NSG2: variants seen among roughly 807,000 people sequenced by gnomAD.
NSG2 encodes the protein neuronal vesicle trafficking associated 2.
In NSG2, 4 loss-of-function variants were observed where a neutral mutation model predicts 16.9. The ratio of observed to expected loss-of-function variants is 0.24; its 90% confidence interval spans 0.12 to 0.54. The LOEUF is 0.54. NSG2 is among the 20% of genes least tolerant of loss of function. NSG2 has a pLI of 0.95. For missense variants in NSG2, 179 were observed against 221.1 expected (o/e 0.81, Z 1.21); for synonymous variants, 98 against 88.7 (o/e 1.11, Z -0.59).
chr5:174,077,404 C>G (rs1760363901), intron 3 of NSG2, among the ~76,000 whole-genome samples: 1 of 152,064 alleles, frequency 6.6e-6, no homozygotes. Flanking sequence ...ATCTGAACTC[C>G]TTCACCTGCT....
intron 3 of NSG2, among the ~76,000 whole-genome samples, chr5:174,101,152 C>CT (rs1283215241): frequency 6.6e-6 from 1 of 152,190 alleles, no homozygotes. Context: ...GGTGTGTTCT[C>CT]TTTGAGGGGA....
intron 1 of NSG2, 135 bp from the exon 2 acceptor site, chr5:174,046,599 G>T: frequency 1.5e-6 from 1 of 679,118 alleles, no homozygotes; most frequent in Non-Finnish European, 2.4e-6. Flanking sequence ...GAAATCTAGT[G>T]GAAGATCAAT....
chr5:174,071,770 T>G (rs550922902), intron 3 of NSG2, among the ~76,000 whole-genome samples: 1 of 152,122 alleles, frequency 6.6e-6, no homozygotes, highest in Admixed American at 6.5e-5. Context: ...GAGCGAGCCA[T>G]CTGAGGTCCA....
chr5:174,056,216 T>A (rs564031692), intron 2 of NSG2: 110 of 152,252 alleles, frequency 7.2e-4, no homozygotes, highest in African/African-American at 2.6e-3. Flanking sequence ...AGTGGCCATG[T>A]GAAGTTATGA....
intron 3 of NSG2, among the ~76,000 whole-genome samples, chr5:174,102,063 A>G (rs753981945): frequency 6.6e-6 from 1 of 152,184 alleles, no homozygotes; most frequent in East Asian, 1.9e-4. Context: ...GCTTGGGGTA[A>G]TGGAGAGAAT....
chr5:174,078,608 C>T (rs964923224), intron 3 of NSG2, among the ~76,000 whole-genome samples: 1 of 152,126 alleles, frequency 6.6e-6, no homozygotes, highest in Admixed American at 6.5e-5. Context: ...CCACAAATTC[C>T]GATGTTGAAA....
intron 2 of NSG2, among the ~76,000 whole-genome samples, chr5:174,048,757 G>A (rs891164483): frequency 1.3e-5 from 2 of 152,134 alleles, no homozygotes; most frequent in East Asian, 1.9e-4. Context: ...CTTGAGAGAG[G>A]AGGCAGGTCT....
At chr5:174,085,865 C>A (rs1224275618) in intron 3 of NSG2, among the ~76,000 whole-genome samples, 2 of 152,186 alleles carry the variant, frequency 1.3e-5, no homozygotes, top group Admixed American at 6.5e-5. Context: ...TTTCACCTTG[C>A]CACAGTCAGA....
In NSG2 at chr5:174,107,533, G is replaced by T. The variant is rs757164713; in HGVS notation, c.*28G>T. On this transcript the variant is annotated 3_prime_UTR_variant, in exon 5 of 5. Coordinates refer to ENST00000303177, the MANE Select transcript of NSG2 (RefSeq NM_015980.5). The surrounding 1 kb of genome is among the most constrained non-coding windows in gnomAD (Gnocchi z 4.5). Reference sequence around the variant, plus strand: ...GCCTGCCCCAGCCAGAATGGGGGGCGGGGTGGAGAGGAGGACCCCCATTGG... The same window carrying T: ...GCCTGCCCCAGCCAGAATGGGGGGCTGGGTGGAGAGGAGGACCCCCATTGG... 1.9e-6 allele frequency: 3 copies of T among 1,581,616 alleles called. No individual in the cohort carries two copies. In the African/African-American group the frequency reaches 4.0e-5, roughly 21 times the overall value.
chr5:174,073,121 C>T (rs1290380293), intron 3 of NSG2, among the ~76,000 whole-genome samples: 1 of 152,204 alleles, frequency 6.6e-6, no homozygotes, highest in Non-Finnish European at 1.5e-5. Flanking sequence ...TATATAAAAT[C>T]AGGGCCCTAT....
intron 3 of NSG2, among the ~76,000 whole-genome samples, chr5:174,091,547 G>A (rs1760721468): frequency 6.6e-6 from 1 of 152,170 alleles, no homozygotes; most frequent in African/African-American, 2.4e-5. Flanking sequence ...GGAAGTCTGG[G>A]AAGGCTTCCT....
intron 3 of NSG2, among the ~76,000 whole-genome samples, chr5:174,083,773 A>G (rs529397063): frequency 2.0e-5 from 3 of 152,352 alleles, no homozygotes; most frequent in South Asian, 2.1e-4. Context: ...GAGAATGAAC[A>G]TTGATACAGC....
chr5:174,102,493 G>A (rs934668754), intron 3 of NSG2, among the ~76,000 whole-genome samples: 2 of 152,292 alleles, frequency 1.3e-5, no homozygotes, highest in Non-Finnish European at 2.9e-5. Context: ...AATTCTGCTT[G>A]TAATATTAGA....
intron 2 of NSG2, among the ~76,000 whole-genome samples, chr5:174,048,307 G>T (rs1759832698): frequency 6.6e-6 from 1 of 152,180 alleles, no homozygotes; most frequent in Non-Finnish European, 1.5e-5. Context: ...CAGAACAATT[G>T]TATCAGAGTC....
chr5:174,089,476 G>T (rs916923611), intron 3 of NSG2, among the ~76,000 whole-genome samples: 1 of 152,122 alleles, frequency 6.6e-6, no homozygotes, highest in Non-Finnish European at 1.5e-5. Context: ...GATGCCACAG[G>T]GAAGGAGAGG....
rs114174353 is a variant in NSG2 at position 174,067,810 on chromosome 5, G to A, written c.213+3495G>A. Among the ~76,000 whole-genome samples the A allele has an allele frequency of 9.4e-3, 1,430 of 152,242 alleles. 18 individuals are homozygous for A. Among genetic ancestry groups the A allele is most frequent in the East Asian group, 0.067 (348 of 5,166 alleles). On this transcript the variant is annotated intron_variant, in intron 3 of 4. Transcript: ENST00000303177. ...TCATGATCCAGGGAGGGGCTGTTAT[G>A]GAGGTGGAATTTACAGGACTTGCTC...
intron 3 of NSG2, among the ~76,000 whole-genome samples, chr5:174,085,790 T>C (rs1760603762): frequency 6.6e-6 from 1 of 152,190 alleles, no homozygotes; most frequent in South Asian, 2.1e-4. Context: ...AAGGCCTAGG[T>C]GTATTGAGCA....
chr5:174,100,663 T>C (rs550604774), intron 3 of NSG2, among the ~76,000 whole-genome samples: 1 of 152,350 alleles, frequency 6.6e-6, no homozygotes, highest in East Asian at 1.9e-4. Flanking sequence ...GCCTGCTCTG[T>C]GCTCGTGCTC....
intron 3 of NSG2, among the ~76,000 whole-genome samples, chr5:174,091,049 T>TC (rs1244619018): frequency 1.5e-4 from 23 of 151,438 alleles, no homozygotes; most frequent in Non-Finnish European, 3.1e-4. Context: ...CTTTTTTTTT[T>TC]TTTTTTTTTT....
Sources: allele counts gnomAD v4.1 joint callset (sites outside exome capture counted in the v4.1 genomes callset), GRCh38; gene constraint gnomAD v4.1.1; non-coding constraint Gnocchi (gnomAD v3.1); transcripts MANE v1.5; gene names NCBI Gene and HGNC (gene_info 2026-07-23, HGNC 2026-07-21).